Variants in PRDM4 observed in about 807,000 individuals in gnomAD.
The protein encoded by PRDM4 is PR/SET domain 4, also known as PR domain zinc finger protein 4.
Under a neutral mutation model 62.3 loss-of-function variants are expected in PRDM4, and 38 were observed. The ratio of observed to expected loss-of-function variants is 0.61; its 90% CI spans 0.47 to 0.80. PRDM4 has a LOEUF of 0.80. Ranked by LOEUF, PRDM4 falls within the 30% of genes least tolerant of loss-of-function variation. The probability of loss-of-function intolerance (pLI) is 0.00; values close to 1 mark genes in which losing one functional copy is unlikely to be tolerated. For synonymous variants in PRDM4, 339 were observed against 348.2 expected, an observed-to-expected ratio of 0.97 and a Z score of 0.30; for missense variants, 858 against 997.1, an observed-to-expected ratio of 0.86 and a Z score of 1.88.
chr12:107,754,077 AG>A lies in PRDM4; in HGVS notation c.177del (p.Ser60ProfsTer2), dbSNP rs1565833517. 6.2e-7 allele frequency: 1 copy of A among 1,609,146 alleles called. No individual in the cohort carries two copies. The highest frequency in any genetic ancestry group is 8.5e-7 in the Non-Finnish European group (1 of 1,177,984). On this transcript the variant is annotated frameshift_variant, in exon 4 of 12. Transcript: ENST00000228437. LOFTEE classifies it high-confidence loss of function. Reference protein sequence around the residue: ...GLPVAIPNLGPSLSSLPSALS... With the variant: ...GLPVAIPNLGXSLSSLPSALS... ...AGAGCAGAAGGCAGAGAGCTCAGGG[AG>A]GGACCCAGGTTTGGAATTGCCACTG...
At position 107,743,715 on chromosome 12, in the gene PRDM4, T is replaced by C. The variant is rs539651051; in HGVS notation, c.1396-433A>G. Among the ~76,000 whole-genome samples the C allele has an allele frequency of 2.6e-5, 4 of 152,352 alleles. No homozygotes were observed. The South Asian group carries it at 8.3e-4, about 32-fold the overall frequency. ...TTCCCAATGACAGTGGTACCTTACC[T>C]TTCCAAAGATCACAAGACCCATTTT... is the stretch of plus-strand genomic sequence containing the variant. On this transcript the variant is annotated intron_variant, in intron 7 of 11. Transcript: ENST00000228437.
At chr12:107,745,536 G>A (rs903243612) in intron 6 of PRDM4, among the ~76,000 whole-genome samples, 1 of 152,014 alleles carries the variant, frequency 6.6e-6, no homozygotes, top group Non-Finnish European at 1.5e-5. Context: ...CCGTATGTTA[G>A]GCCAGTGCAC....
At position 107,734,065 on chromosome 12, in the gene PRDM4, G is replaced by C. The variant is rs960349872; in HGVS notation, c.*145C>G. On this transcript the variant is annotated 3_prime_UTR_variant, in exon 12 of 12. Transcript: ENST00000228437. Reference sequence around the variant, plus strand: ...TTTTCATTAGGATACTCTTCTGTAAGTGCTTTATTCATTCCCAGTCTGTTT... The same window carrying C: ...TTTTCATTAGGATACTCTTCTGTAACTGCTTTATTCATTCCCAGTCTGTTT... 13 of 791,898 alleles carry C rather than the reference G, an allele frequency of 1.6e-5. No homozygotes were observed. Among genetic ancestry groups the C allele is most frequent in the Non-Finnish European group, 2.4e-5 (12 of 510,412 alleles). The allele number at this position is 791,898 out of a possible 1,614,324, so 49.1% of individuals were successfully genotyped here. A position where few individuals can be genotyped will look rare whatever the true frequency, so the allele number is the denominator to read the frequency against.
At chr12:107,760,425 A>C in intron 2 of PRDM4, 80 bp downstream of exon 2, 2 of 1,571,754 alleles carry the variant, frequency 1.3e-6, no homozygotes, top group Non-Finnish European at 1.7e-6. Flanking sequence ...GGCACCAAAA[A>C]CAACGGCACT....
intron 5 of PRDM4, among the ~76,000 whole-genome samples, chr12:107,749,543 C>A (rs1301155931): frequency 6.6e-6 from 1 of 151,882 alleles, no homozygotes; most frequent in Non-Finnish European, 1.5e-5. Flanking sequence ...TCTCTACTTA[C>A]CTAGTTTCTA....
chr12:107,737,562 A>G (rs1472194711), intron 11 of PRDM4, among the ~76,000 whole-genome samples: 1 of 152,246 alleles, frequency 6.6e-6, no homozygotes, highest in Non-Finnish European at 1.5e-5. Context: ...GACTTGATTC[A>G]AGCAAAACTT....
At chr12:107,749,400 T>G (rs1307669972) in intron 5 of PRDM4, among the ~76,000 whole-genome samples, 2 of 150,666 alleles carry the variant, frequency 1.3e-5, no homozygotes, top group Non-Finnish European at 1.5e-5. Context: ...TGTTTGCTTT[T>G]TTTTTTTTTT....
intron 2 of PRDM4, 65 bp downstream of exon 2, chr12:107,760,440 C>G: frequency 6.2e-7 from 1 of 1,604,348 alleles, no homozygotes; most frequent in South Asian, 1.1e-5. Flanking sequence ...GGCACTGACC[C>G]TGGACACTCA....
chr12:107,738,280 T>G (rs1890400501), intron 11 of PRDM4: 1 of 152,182 alleles, frequency 6.6e-6, no homozygotes, highest in Non-Finnish European at 1.5e-5. Flanking sequence ...TGATAATTTC[T>G]GTCTAATTTT....
Position 107,752,161 on chromosome 12 carries a change from G to T in PRDM4, c.380C>A (p.Pro127His). The change falls in exon 5 of 12, where the codon CCT (proline) becomes CAT (histidine). Residue 127 changes from proline (P) to histidine (H), a missense_variant. Pro to His is a moderately conservative substitution (Grantham distance 77, BLOSUM62 -2). Around this residue, in one of 3 missense-constraint regions of PRDM4, gnomAD observed 499 missense variants for 546.7 expected, o/e 0.91. Coordinates refer to ENST00000228437, the MANE Select transcript of PRDM4 (RefSeq NM_012406.4). Reference protein sequence around the residue: ...ADRPPPQYIHPNSINVDGNTA... With the variant: ...ADRPPPQYIHHNSINVDGNTA... Reference sequence around the variant, plus strand: ...ATTACCATCAACATTTATAGAGTTAGGGTGGATGTACTGTGGAGGTGGTCT... The same window carrying T: ...ATTACCATCAACATTTATAGAGTTATGGTGGATGTACTGTGGAGGTGGTCT... 1.3e-6 allele frequency: 2 copies of T among 1,599,334 alleles called. No homozygotes were observed. The highest frequency in any genetic ancestry group is 1.1e-5 in the South Asian group (1 of 90,768).
At chr12:107,739,630 A>C in intron 10 of PRDM4, 79 bp from the exon 11 acceptor site, 1 of 1,405,764 alleles carries the variant, frequency 7.1e-7, no homozygotes, top group Non-Finnish European at 9.8e-7. Context: ...ACATATGTGC[A>C]TGCAGCAGAG....
chr12:107,746,418 G>GTACA lies in PRDM4; in HGVS notation c.1129_1132dup (p.Thr378MetfsTer5). On this transcript the variant is annotated frameshift_variant, in exon 6 of 12. Transcript: ENST00000228437. LOFTEE classifies it high-confidence loss of function. ...CGAGGGATAGGCGCGGTCACACAGA[G>GTACA]TACACCCTGTAGATGGCAAATTTGA... 6.3e-7 allele frequency: 1 copy of GTACA among 1,593,300 alleles called. No individual in the cohort carries two copies. Among genetic ancestry groups the GTACA allele is most frequent in the Non-Finnish European group, 8.5e-7 (1 of 1,170,924 alleles).
At chr12:107,744,206 A>AAAACATTCCT (rs1480992453) in intron 7 of PRDM4, among the ~76,000 whole-genome samples, 14 of 152,372 alleles carry the variant, frequency 9.2e-5, no homozygotes, top group Non-Finnish European at 1.9e-4. Flanking sequence ...TGTTTTAATT[A>AAAACATTCCT]CAAAGTAAGA....
chr12:107,748,815 T>C (rs1381690858), intron 5 of PRDM4, among the ~76,000 whole-genome samples: 1 of 152,224 alleles, frequency 6.6e-6, no homozygotes, highest in Admixed American at 6.5e-5. Context: ...GTTTAAAATG[T>C]ATACATAAAT....
In PRDM4 at chr12:107,737,384, C is replaced by G. The variant is rs551457078; in HGVS notation, c.2093+1999G>C. 5.3e-5 allele frequency among the ~76,000 whole-genome samples: 8 copies of G among 152,300 alleles called. No homozygotes were observed. The South Asian group carries it at 1.7e-3, about 32-fold the overall frequency. On this transcript the variant is annotated intron_variant, in intron 11 of 11. Transcript: ENST00000228437. ...TCAAAACCATTTTGAGGGAACAGTG[C>G]TTCTTATAAGAATGACTTATACCAG...
In PRDM4 at chr12:107,759,112, AT is replaced by A. The variant is rs534937397; in HGVS notation, c.11+1392del. 5.4e-3 allele frequency among the ~76,000 whole-genome samples: 825 copies of A among 151,918 alleles called. 7 individuals carry two copies. The highest frequency in any genetic ancestry group is 0.019 in the African/African-American group (769 of 41,456). On this transcript the variant is annotated intron_variant, in intron 2 of 11. Transcript: ENST00000228437. ...AGTGAGACCCCTGTCTCTACTAAAC[AT>A]TTTTTTTAACTTAGCCAGGCATGGT...
At chr12:107,750,776 A>C (rs1890863986) in intron 5 of PRDM4, among the ~76,000 whole-genome samples, 1 of 152,248 alleles carries the variant, frequency 6.6e-6, no homozygotes, top group Non-Finnish European at 1.5e-5. Flanking sequence ...GGCATGTCAC[A>C]AACAGCTTTA....
chr12:107,751,921 T>A lies in PRDM4; in HGVS notation c.620A>T (p.Asp207Val). 6.2e-7 allele frequency: 1 copy of A among 1,614,236 alleles called. No individual in the cohort carries two copies. The highest frequency in any genetic ancestry group is 8.5e-7 in the Non-Finnish European group (1 of 1,180,040). ...VSRVTSPISTDGMAEELTMDG... is the reference protein window; with the variant it reads ...VSRVTSPISTVGMAEELTMDG... ...CATCGTAAGCTCCTCTGCCATTCCA[T>A]CTGTCGAAATTGGGCTGGTAACCCT... Residue 207 changes from aspartate to valine, a missense_variant, in exon 5 of 12, where the codon GAT (aspartate) becomes GTT (valine). Asp to Val is a radical substitution (Grantham distance 152, BLOSUM62 -3). Coordinates refer to ENST00000228437, the MANE Select transcript of PRDM4 (RefSeq NM_012406.4).
chr12:107,754,147 T>C lies in PRDM4; in HGVS notation c.146-38A>G, dbSNP rs768498930. ...ATTTTTTTTCTCAGTTAAAAGAAAA[T>C]AGGTAATTAAAAATTCTCACTACAA... On this transcript the variant is annotated intron_variant, in intron 3 of 11. Transcript: ENST00000228437. 5.4e-6 allele frequency: 8 copies of C among 1,477,434 alleles called. No homozygotes were observed. The South Asian group carries it at 7.5e-5, about 14-fold the overall frequency. 91.5% of individuals were successfully genotyped at this position (1,477,434 alleles called of 1,614,324 possible).
Sources: gnomAD v4.1 joint callset for allele counts (sites outside exome capture counted in the v4.1 genomes callset) on GRCh38, gnomAD v4.1.1 for gene constraint, gnomAD v4.1.1 regional missense constraint, MANE v1.5 for transcripts, NCBI Gene and HGNC (gene_info 2026-07-23, HGNC 2026-07-21) for gene names.